Variants in INTS2 observed in about 807,000 individuals in gnomAD.
INTS2 encodes KIAA1287.
INTS2 carries 57 observed loss-of-function variants against 139.6 expected under a neutral mutation model. That is an observed-to-expected ratio of 0.41 (90% CI 0.33 to 0.51). The LOEUF (loss-of-function observed/expected upper bound fraction) is 0.51, where lower values mean the gene tolerates loss of function less well. INTS2 is among the 20% of genes least tolerant of loss of function. The pLI is 0.28. For synonymous variants in INTS2, 473 were observed against 493.4 expected (o/e 0.96, Z 0.55); for missense variants, 1,196 against 1,436.7 (o/e 0.83, Z 2.71).
In INTS2 at chr17:61,893,152, A is replaced by G. The variant is rs2079313244; in HGVS notation, c.1698+613T>C. 6.6e-6 allele frequency among the ~76,000 whole-genome samples: 1 copy of G among 151,858 alleles called. No homozygotes were observed. Among genetic ancestry groups the G allele is most frequent in the Non-Finnish European group, 1.5e-5 (1 of 67,982 alleles). On this transcript the variant is annotated intron_variant, in intron 13 of 24. Transcript: ENST00000251334. This position sits in a 1 kb window ranked among gnomAD's most constrained non-coding sequence, Gnocchi z 5.4. ...AGAAAATGGCAGTTTCTAAGTTTTA[A>G]TAAAATAGCCATGTGCCACTATTGA...
intron 9 of INTS2, among the ~76,000 whole-genome samples, chr17:61,902,110 T>C (rs1487705543): frequency 6.6e-6 from 1 of 152,208 alleles, no homozygotes; most frequent in Non-Finnish European, 1.5e-5. Context: ...TTCTGATTCC[T>C]GGTCCTTTGT....
chr17:61,921,208 A>C (rs2143166143), intron 4 of INTS2: 1 of 152,376 alleles, frequency 6.6e-6, no homozygotes, highest in South Asian at 2.1e-4. Context: ...TTAATAAAAA[A>C]TGTTTTCACA....
rs911762484 is a variant in INTS2, at chr17:61,895,344, T to C, written c.1534A>G (p.Ile512Val). Residue 512 changes from isoleucine to valine, a missense_variant, in exon 12 of 25, where the codon ATC (isoleucine) becomes GTC (valine). Transcript: ENST00000251334. The stretch of plus-strand genomic sequence containing the variant: ...TCAGTAAAAATTTCCTGTGTGAAGA[T>C]TGTCTTCATCCTGCTCAAGGAGCTT... The part of the protein sequence containing the change: ...KPSSLSRMKT[I>V]FTQEIFTEQV... The C allele has an allele frequency of 2.5e-6, 4 of 1,583,290 alleles. No homozygotes were observed. Among genetic ancestry groups the C allele is most frequent in the Middle Eastern group, 1.7e-4 (1 of 5,998 alleles).
chr17:61,898,968 A>C (rs181535902), intron 9 of INTS2, among the ~76,000 whole-genome samples: 231 of 152,346 alleles, frequency 1.5e-3, no homozygotes, highest in Non-Finnish European at 2.1e-3. Flanking sequence ...TTTTTTCACC[A>C]ATCTCTTTCC....
In INTS2 at chr17:61,868,264, G is replaced by C. The variant is rs896390345; in HGVS notation, c.3245-255C>G. 2.6e-4 allele frequency among the ~76,000 whole-genome samples: 39 copies of C among 151,972 alleles called. No individual in the cohort carries two copies. The highest frequency in any genetic ancestry group is 9.4e-4 in the African/African-American group (39 of 41,368). The stretch of plus-strand genomic sequence containing the variant: ...TCCTACAATCTTATGAATGACCAAA[G>C]TACTATTATGACACTCATTTTATAT... On this transcript the variant is annotated intron_variant, in intron 23 of 24. Transcript: ENST00000251334. The surrounding 1 kb of genome is among the most constrained non-coding windows in gnomAD (Gnocchi z 4.7).
chr17:61,913,841 A>G (rs2079551125), intron 5 of INTS2, among the ~76,000 whole-genome samples: 1 of 152,178 alleles, frequency 6.6e-6, no homozygotes, highest in South Asian at 2.1e-4. Context: ...GTGGATAAAT[A>G]GTATTTTCCT....
Position 61,907,452 on chromosome 17 carries a change from T to A in INTS2, c.1137A>T (p.Ala379=), listed in dbSNP as rs2079477026. 3 of 1,600,246 alleles carry A rather than the reference T, an allele frequency of 1.9e-6. No individual in the cohort carries two copies. The East Asian group carries it at 6.7e-5, about 36-fold the overall frequency. Residue 379 remains alanine, a synonymous_variant, in exon 8 of 25, where the codon GCA becomes GCT. Coordinates refer to ENST00000251334, the MANE Select transcript of INTS2 (RefSeq NM_001351695.2). ...TCAAAGCACAGTACAGACGTAAGAG[T>A]GCACTGGCTTTCACAACATGCTCTT... ...LKEEHVVKAS[A]LLRLYCALMG...
Position 61,876,640 on chromosome 17 carries a change from A to G in INTS2, c.2456+1247T>C, listed in dbSNP as rs1038169496. Among the ~76,000 whole-genome samples the G allele has an allele frequency of 6.6e-6, 1 of 151,994 alleles. No individual in the cohort carries two copies. Among genetic ancestry groups the G allele is most frequent in the Non-Finnish European group, 1.5e-5 (1 of 67,996 alleles). The stretch of plus-strand genomic sequence containing the variant: ...GTATTTTTTGTAGAGACGGGGTTTC[A>G]CCATGTTGCCCAAGCTGGTCTTGAA... On this transcript the variant is annotated intron_variant, in intron 18 of 24. Transcript: ENST00000251334. The surrounding 1 kb of genome is among the most constrained non-coding windows in gnomAD (Gnocchi z 4.1).
chr17:61,901,480 A>T (rs931704726), intron 9 of INTS2, among the ~76,000 whole-genome samples: 1 of 151,332 alleles, frequency 6.6e-6, no homozygotes, highest in African/African-American at 2.4e-5. Flanking sequence ...TACAAAGAAG[A>T]AACATTCAGA....
intron 15 of INTS2, among the ~76,000 whole-genome samples, chr17:61,889,198 T>G (rs1262006145): frequency 6.6e-6 from 1 of 151,844 alleles, no homozygotes; most frequent in Non-Finnish European, 1.5e-5. Flanking sequence ...GGGATTCTCC[T>G]GCCTCAACCT....
In INTS2 at chr17:61,881,048, G is replaced by C; in HGVS notation, c.2213C>G (p.Thr738Ser). 1 of 1,613,822 alleles carries C rather than the reference G, an allele frequency of 6.2e-7. No homozygotes were observed. The highest frequency in any genetic ancestry group is 8.5e-7 in the Non-Finnish European group (1 of 1,179,760). Residue 738 changes from threonine to serine, a missense_variant, in exon 17 of 25, where the codon ACT becomes AGT. Coordinates refer to ENST00000251334, the MANE Select transcript of INTS2 (RefSeq NM_001351695.2). ...GGGAGAATGATTTTTAGCATTATTA[G>C]TCAGGAGCATTCGCCGTAGCAGGGC... ...TDALLRRMLL[T>S]NNAKNHSPKQ...
chr17:61,875,219 C>CA lies in INTS2; in HGVS notation c.2457-182dup, dbSNP rs1603372519. Among the ~76,000 whole-genome samples the CA allele has an allele frequency of 6.6e-6, 1 of 152,006 alleles. No individual in the cohort carries two copies. Among genetic ancestry groups the CA allele is most frequent in the African/African-American group, 2.4e-5 (1 of 41,396 alleles). ...TATTAAAATATCTCTTTAAAAAACA[C>CA]AGAGATAAAACAGTAAACACAAAGT... On this transcript the variant is annotated intron_variant, in intron 18 of 24. Coordinates refer to ENST00000251334, the MANE Select transcript of INTS2 (RefSeq NM_001351695.2). The surrounding 1 kb of genome is among the most constrained non-coding windows in gnomAD (Gnocchi z 4.6).
chr17:61,899,255 C>G (rs1176634598), intron 9 of INTS2, among the ~76,000 whole-genome samples: 3 of 151,142 alleles, frequency 2.0e-5, no homozygotes, highest in African/African-American at 7.3e-5. Context: ...ATGTTAAGAA[C>G]TTTTTTTTTG....
chr17:61,880,237 G>A (rs1337500102), intron 17 of INTS2, among the ~76,000 whole-genome samples: 4 of 151,852 alleles, frequency 2.6e-5, no homozygotes, highest in African/African-American at 7.3e-5. Context: ...TAGTAGAGAC[G>A]GGGTTTCACT....
intron 4 of INTS2, chr17:61,921,451 C>A: frequency 4.6e-6 from 1 of 217,696 alleles, no homozygotes; most frequent in Non-Finnish European, 9.0e-6. Context: ...GCTTTTTTCA[C>A]TTAACATATT....
At chr17:61,908,406 C>T (rs963412092) in intron 7 of INTS2, among the ~76,000 whole-genome samples, 2 of 152,108 alleles carry the variant, frequency 1.3e-5, no homozygotes, top group South Asian at 4.1e-4. Context: ...CAGAGTGATA[C>T]TCTCGTCTCA....
intron 12 of INTS2, 184 bp from the exon 13 acceptor site, chr17:61,894,083 T>G (rs1451295939): frequency 5.0e-6 from 2 of 398,424 alleles, no homozygotes; most frequent in East Asian, 7.8e-5. Flanking sequence ...TTTAGGGATT[T>G]ATATAATTCC....
Position 61,867,302 on chromosome 17 carries a change from G to A in INTS2, c.*255C>T. On this transcript the variant is annotated 3_prime_UTR_variant, in exon 25 of 25. Coordinates refer to ENST00000251334, the MANE Select transcript of INTS2 (RefSeq NM_001351695.2). This position sits in a 1 kb window ranked among gnomAD's most constrained non-coding sequence, Gnocchi z 5.6. ...TTCCAATAATGAGTTTCTTACATGT[G>A]TTCCCAGTGGAAAAAAAAAAAGCTC... 1 of 254,934 alleles carries A rather than the reference G, an allele frequency of 3.9e-6. No homozygotes were observed. The highest frequency in any genetic ancestry group is 7.4e-6 in the Non-Finnish European group (1 of 135,276). 15.8% of individuals were successfully genotyped at this position (254,934 alleles called of 1,614,324 possible).
intron 3 of INTS2, among the ~76,000 whole-genome samples, chr17:61,922,467 CAAAAA>C (rs59644145): frequency 1.0e-3 from 43 of 42,058 alleles, no homozygotes; most frequent in African/African-American, 2.8e-3. Flanking sequence ...GACTCCGTCT[CAAAAA>C]AAAAAAAAAA....
Sources: allele counts gnomAD v4.1 joint callset (sites outside exome capture counted in the v4.1 genomes callset), GRCh38; gene constraint gnomAD v4.1.1; non-coding constraint Gnocchi (gnomAD v3.1); transcripts MANE v1.5; gene names NCBI Gene and HGNC (gene_info 2026-07-23, HGNC 2026-07-21).